ULK4: variants seen among roughly 807,000 people sequenced by gnomAD.
The protein encoded by ULK4 is unc-51 like kinase 4.
A neutral mutation model predicts 160.6 loss-of-function variants in ULK4; 133 were observed. The ratio of observed to expected loss-of-function variants is 0.83; its 90% CI spans 0.72 to 0.96. The LOEUF (loss-of-function observed/expected upper bound fraction) is 0.96, where lower values mean the gene tolerates loss of function less well. ULK4 is among the 40% of genes least tolerant of loss of function. The pLI, the probability that ULK4 is intolerant of heterozygous loss-of-function variation, is 0.00. For synonymous variants in ULK4, 534 were observed against 539.8 expected (o/e 0.99, Z 0.15); for missense variants, 1,580 against 1,499.5 (o/e 1.05, Z -0.89).
At chr3:41,725,976 A>G (rs948402268) in intron 22 of ULK4, among the ~76,000 whole-genome samples, 15 of 152,224 alleles carry the variant, frequency 9.9e-5, no homozygotes, top group Admixed American at 9.2e-4. Flanking sequence ...CAGAAACAGA[A>G]AACAGAGAAA....
At chr3:41,481,418 C>T (rs1439710258) in intron 32 of ULK4, among the ~76,000 whole-genome samples, 1 of 152,080 alleles carries the variant, frequency 6.6e-6, no homozygotes, top group African/African-American at 2.4e-5. Flanking sequence ...GGCTGCATTC[C>T]CAGGAGGTTA....
chr3:41,839,046 T>C (rs1002274033), intron 17 of ULK4, among the ~76,000 whole-genome samples: 2 of 152,268 alleles, frequency 1.3e-5, no homozygotes, highest in South Asian at 4.1e-4. Flanking sequence ...TATTTCACAA[T>C]TGCTGAAAGA....
chr3:41,814,860 C>CTTTATGT (rs889825235), intron 19 of ULK4, among the ~76,000 whole-genome samples: 11 of 148,716 alleles, frequency 7.4e-5, no homozygotes, highest in African/African-American at 2.7e-4. Flanking sequence ...CTTTCTATAA[C>CTTTATGT]TTTATGTTTT....
chr3:41,373,470 G>C (rs2081414351), intron 35 of ULK4, among the ~76,000 whole-genome samples: 1 of 152,108 alleles, frequency 6.6e-6, no homozygotes, highest in Non-Finnish European at 1.5e-5. Flanking sequence ...TTAGAAATCA[G>C]GGTTAAGAAA....
chr3:41,556,561 C>T (rs771570109), intron 32 of ULK4, among the ~76,000 whole-genome samples: 1 of 140,068 alleles, frequency 7.1e-6, no homozygotes, highest in Non-Finnish European at 1.5e-5. Flanking sequence ...AATATTGGCT[C>T]ACTGCAACCT....
chr3:41,505,103 A>G (rs2125918590), intron 32 of ULK4, among the ~76,000 whole-genome samples: 2 of 152,318 alleles, frequency 1.3e-5, no homozygotes, highest in Non-Finnish European at 2.9e-5. Flanking sequence ...CCAGTAAGCT[A>G]CTATCTGCAT....
chr3:41,829,389 T>A (rs1459044560), intron 18 of ULK4, among the ~76,000 whole-genome samples: 1 of 145,676 alleles, frequency 6.9e-6, no homozygotes, highest in Non-Finnish European at 1.5e-5. Flanking sequence ...ATTTTTGCAA[T>A]CCACACATCT....
chr3:41,596,409 C>A (rs1355235914), intron 31 of ULK4, among the ~76,000 whole-genome samples: 1 of 152,072 alleles, frequency 6.6e-6, no homozygotes, highest in Admixed American at 6.6e-5. Flanking sequence ...GTTGCTCTGG[C>A]AGATGAGTAA....
intron 35 of ULK4, among the ~76,000 whole-genome samples, chr3:41,288,053 AAT>A (rs1422695028): frequency 1.3e-5 from 2 of 152,192 alleles, no homozygotes; most frequent in Non-Finnish European, 2.9e-5. Flanking sequence ...TATGAAAAGA[AAT>A]AAAGAGAACA....
intron 35 of ULK4, among the ~76,000 whole-genome samples, chr3:41,276,406 T>C (rs2079229241): frequency 6.6e-6 from 1 of 152,214 alleles, no homozygotes. Context: ...TTTTGGACTC[T>C]TCCTTATTCC....
intron 17 of ULK4, among the ~76,000 whole-genome samples, chr3:41,870,266 C>T (rs868689352): frequency 3.3e-5 from 5 of 152,154 alleles, no homozygotes; most frequent in Admixed American, 1.3e-4. Context: ...GAAACATTTT[C>T]AACAATTATC....
intron 36 of ULK4, among the ~76,000 whole-genome samples, 188 bp from the exon 37 acceptor site, chr3:41,247,180 A>G (rs1316514381): frequency 6.6e-6 from 1 of 152,118 alleles, no homozygotes; most frequent in Non-Finnish European, 1.5e-5. Context: ...CCATGCCAGC[A>G]CCCTGAGCTA....
intron 34 of ULK4, among the ~76,000 whole-genome samples, chr3:41,405,349 TATC>T (rs2082272269): frequency 1.3e-5 from 2 of 152,330 alleles, no homozygotes; most frequent in East Asian, 3.9e-4. Flanking sequence ...GCTGTATATG[TATC>T]ATATTTTCTT....
intron 29 of ULK4, 149 bp downstream of exon 29, chr3:41,681,359 T>A: frequency 9.5e-7 from 1 of 1,055,726 alleles, no homozygotes; most frequent in Non-Finnish European, 1.3e-6. Context: ...TTACCGCACC[T>A]GTCTAAACTT....
chr3:41,743,347 T>C (rs893833006), intron 22 of ULK4, among the ~76,000 whole-genome samples: 1 of 150,926 alleles, frequency 6.6e-6, no homozygotes, highest in African/African-American at 2.4e-5. Context: ...AAAAAAACTG[T>C]CAACTACAAG....
intron 34 of ULK4, among the ~76,000 whole-genome samples, chr3:41,453,986 T>C (rs1210006761): frequency 2.4e-5 from 3 of 124,220 alleles, no homozygotes; most frequent in Admixed American, 1.0e-4. Context: ...ATGAGAACAC[T>C]TGGATACAGG....
At chr3:41,541,239 T>G (rs1166776376) in intron 32 of ULK4, among the ~76,000 whole-genome samples, 3 of 152,214 alleles carry the variant, frequency 2.0e-5, no homozygotes. Context: ...TTCAGTTTTC[T>G]GCATATGGCC....
intron 30 of ULK4, among the ~76,000 whole-genome samples, chr3:41,630,223 C>G (rs371387221): frequency 1.2e-4 from 19 of 152,218 alleles, no homozygotes; most frequent in Non-Finnish European, 2.2e-4. Flanking sequence ...TATCAGGATA[C>G]CACAAAGCTG....
rs773773037 is a variant in ULK4, at chr3:41,938,146, A to G, written c.190T>C (p.Trp64Arg). 6.2e-7 allele frequency: 1 copy of G among 1,613,394 alleles called. No individual in the cohort carries two copies. The highest frequency in any genetic ancestry group is 1.3e-5 in the African/African-American group (1 of 74,906). ...CAGAGGTGGTTGCTTGTTTCATACC[A>G]TTCATGAAAAGTTACAATATTCTTG... Reference protein sequence around the residue: ...KHKNIVTFHEWYETSNHLWLV... With the variant: ...KHKNIVTFHERYETSNHLWLV... Residue 64 changes from tryptophan to arginine, a missense_variant, in exon 3 of 37, where the codon TGG becomes CGG. Trp to Arg is a moderately radical substitution (Grantham distance 101). Transcript: ENST00000301831.
Sources: allele counts gnomAD v4.1 joint callset (sites outside exome capture counted in the v4.1 genomes callset), GRCh38; gene constraint gnomAD v4.1.1; transcripts MANE v1.5; gene names NCBI Gene and HGNC (gene_info 2026-07-23, HGNC 2026-07-21).